Variants in NCOA6 observed in about 807,000 individuals in gnomAD.
NCOA6 encodes NRC RAP250.
NCOA6 carries 49 observed loss-of-function variants against 171.4 expected under a neutral mutation model. That is an observed-to-expected ratio of 0.29 (90% CI 0.23 to 0.36). The LOEUF (loss-of-function observed/expected upper bound fraction) is 0.36, where lower values mean the gene tolerates loss of function less well. NCOA6 is among the 10% of genes least tolerant of loss of function. The probability of loss-of-function intolerance (pLI) is 1.00; values close to 1 mark genes in which losing one functional copy is unlikely to be tolerated. For missense variants in NCOA6, 2,248 were observed against 2,554.5 expected, an observed-to-expected ratio of 0.88 and a Z score of 2.59; for synonymous variants, 910 against 927.5, an observed-to-expected ratio of 0.98 and a Z score of 0.34.
At chr20:34,794,140 G>C (rs1284128828) in intron 1 of NCOA6, among the ~76,000 whole-genome samples, 5 of 152,110 alleles carry the variant, frequency 3.3e-5, no homozygotes, top group Non-Finnish European at 5.9e-5. Context: ...ACAATTACAA[G>C]CTGGGTGTGC....
At chr20:34,784,351 A>G (rs1246067986) in intron 2 of NCOA6, among the ~76,000 whole-genome samples, 1 of 151,916 alleles carries the variant, frequency 6.6e-6, no homozygotes, top group African/African-American at 2.4e-5. Context: ...CAGCTTCCCA[A>G]GCAGCTGGGG....
intron 2 of NCOA6, among the ~76,000 whole-genome samples, chr20:34,789,712 G>T (rs1253657774): frequency 6.6e-6 from 1 of 152,182 alleles, no homozygotes; most frequent in African/African-American, 2.4e-5. Context: ...GGAGTGAGGG[G>T]AAGGGTGGAG....
chr20:34,806,574 T>C (rs1204141601), intron 1 of NCOA6, among the ~76,000 whole-genome samples: 1 of 152,334 alleles, frequency 6.6e-6, no homozygotes, highest in South Asian at 2.1e-4. Context: ...TTTGAGTTGA[T>C]TTTTGTATAT....
At chr20:34,776,877 G>A (rs186116850) in intron 3 of NCOA6, 11 of 413,290 alleles carry the variant, frequency 2.7e-5, no homozygotes, top group Admixed American at 1.9e-4. Flanking sequence ...CCAGCACTTC[G>A]GGAGGCCGAG....
chr20:34,754,983 T>C, intron 7 of NCOA6, 115 bp from the exon 8 acceptor site: 1 of 999,194 alleles, frequency 1.0e-6, no homozygotes, highest in Non-Finnish European at 1.5e-6. Flanking sequence ...TAGCTCTCTC[T>C]GTCACACTGG....
intron 1 of NCOA6, among the ~76,000 whole-genome samples, chr20:34,803,477 G>GAAAAAAAAAAAAAAAAAAAAAAAAA (rs140810484): frequency 7.8e-6 from 1 of 127,510 alleles, no homozygotes; most frequent in African/African-American, 2.9e-5. Flanking sequence ...AAAAAAAAAA[G>GAAAAAAAAAAAAAAAAAAAAAAAAA]AAAAAAAAAA....
intron 1 of NCOA6, among the ~76,000 whole-genome samples, chr20:34,806,935 A>C (rs1396919901): frequency 1.3e-5 from 2 of 152,208 alleles, no homozygotes; most frequent in Non-Finnish European, 2.9e-5. Flanking sequence ...TTTCTAAAGA[A>C]GTCTGTGGTA....
intron 1 of NCOA6, among the ~76,000 whole-genome samples, chr20:34,818,962 T>C (rs777036907): frequency 1.3e-5 from 2 of 152,232 alleles, no homozygotes; most frequent in Non-Finnish European, 2.9e-5. Context: ...ATGTGGTAAT[T>C]TCTAATACAG....
rs2076104840 is a variant in NCOA6, at chr20:34,740,578, G to A, written c.5678C>T (p.Pro1893Leu). Reference protein sequence around the residue: ...APTLLKMTSSPVGPGTASAGP... With the variant: ...APTLLKMTSSLVGPGTASAGP... ...TGCTGAGGCAGTGCCCGGGCCCACAGGGCTAGAGGTCATTTTTAGCAGAGT... is the reference window on the plus strand; with the variant it reads ...TGCTGAGGCAGTGCCCGGGCCCACAAGGCTAGAGGTCATTTTTAGCAGAGT... Residue 1893 changes from proline to leucine, a missense_variant, in exon 11 of 15, where the codon CCT becomes CTT. By Grantham distance (98) the Pro-to-Leu change is moderately conservative (BLOSUM62 -3). Transcript: ENST00000359003. 1 of 1,614,170 alleles carries A rather than the reference G, an allele frequency of 6.2e-7. No individual in the cohort carries two copies. The highest frequency in any genetic ancestry group is 8.5e-7 in the Non-Finnish European group (1 of 1,180,028).
rs778052677 is a variant in NCOA6 at position 34,742,742 on chromosome 20, G to A, written c.3514C>T (p.Pro1172Ser). Residue 1172 changes from proline to serine, a missense_variant, in exon 11 of 15, where the codon CCC becomes TCC. Physicochemically the swap from Pro to Ser is moderately conservative, Grantham distance 74. This residue lies in a region of NCOA6 where 352 missense variants were observed against 419.1 expected (regional missense o/e 0.84). Transcript: ENST00000359003. ...GTTGCACCTTGAGTTGCTGAAAGGG[G>A]CGATGGTCCAGGTTTTGGCCCTGTC... ...MMTGPKPGPS[P>S]LSATQGATPQ... 3.1e-6 allele frequency: 5 copies of A among 1,614,156 alleles called. No individual in the cohort carries two copies. The highest frequency in any genetic ancestry group is 3.4e-6 in the Non-Finnish European group (4 of 1,180,032).
intron 1 of NCOA6, among the ~76,000 whole-genome samples, chr20:34,811,186 C>G (rs1216610958): frequency 1.3e-4 from 8 of 61,218 alleles, no homozygotes; most frequent in African/African-American, 4.8e-4. Context: ...TATTTAACAA[C>G]AACAACAACA....
chr20:34,809,005 A>C (rs2078560752), intron 1 of NCOA6, among the ~76,000 whole-genome samples: 1 of 152,212 alleles, frequency 6.6e-6, no homozygotes, highest in South Asian at 2.1e-4. Flanking sequence ...CCCTTCTCTG[A>C]GATCGTAAGG....
chr20:34,758,139 C>T (rs750726146), intron 6 of NCOA6, 35 bp from the exon 7 acceptor site: 1 of 1,562,980 alleles, frequency 6.4e-7, no homozygotes, highest in South Asian at 1.2e-5. Flanking sequence ...AATAATTAAC[C>T]TACTGCAATC....
At chr20:34,795,785 T>G (rs975030391) in intron 1 of NCOA6, among the ~76,000 whole-genome samples, 9 of 152,168 alleles carry the variant, frequency 5.9e-5, no homozygotes, top group Non-Finnish European at 1.2e-4. Flanking sequence ...TTTTTAATTT[T>G]CTTGGGTGTG....
intron 1 of NCOA6, among the ~76,000 whole-genome samples, chr20:34,802,202 C>G (rs1358926435): frequency 1.3e-5 from 2 of 152,248 alleles, no homozygotes; most frequent in Non-Finnish European, 2.9e-5. Context: ...TGCGGTGGCT[C>G]ACGCCTATAA....
At chr20:34,807,820 C>T (rs1014675053) in intron 1 of NCOA6, among the ~76,000 whole-genome samples, 1 of 150,302 alleles carries the variant, frequency 6.7e-6, no homozygotes, top group Non-Finnish European at 1.5e-5. Flanking sequence ...CCACCGTGCC[C>T]GGCCTTTTTT....
At chr20:34,811,234 T>C (rs60095211) in intron 1 of NCOA6, among the ~76,000 whole-genome samples, 2,310 of 118,308 alleles carry the variant, frequency 0.02, 36 homozygotes, top group South Asian at 0.04. Flanking sequence ...TATATATATA[T>C]ATGCTTTCAA....
At chr20:34,770,819 G>A (rs1276109606) in intron 4 of NCOA6, among the ~76,000 whole-genome samples, 1 of 151,780 alleles carries the variant, frequency 6.6e-6, no homozygotes. Context: ...TAGTAGAAAC[G>A]GGGTTTCACC....
chr20:34,807,557 G>A (rs1322026765), intron 1 of NCOA6, among the ~76,000 whole-genome samples: 5 of 152,116 alleles, frequency 3.3e-5, no homozygotes, highest in East Asian at 3.9e-4. Flanking sequence ...ATGGAGTCTC[G>A]CTCTGTCGCT....
Sources: allele counts gnomAD v4.1 joint callset (sites outside exome capture counted in the v4.1 genomes callset), GRCh38; gene constraint gnomAD v4.1.1; regional missense constraint gnomAD v4.1.1; transcripts MANE v1.5; gene names NCBI Gene and HGNC (gene_info 2026-07-23, HGNC 2026-07-21).